Variants in NCOR2 observed in about 807,000 individuals in gnomAD.
NCOR2 encodes CTG repeat protein 26.
NCOR2 carries 81 observed loss-of-function variants against 262.9 expected under a neutral mutation model. The ratio of observed to expected loss-of-function variants is 0.31; its 90% confidence interval spans 0.26 to 0.37. The LOEUF (loss-of-function observed/expected upper bound fraction) is 0.37, where lower values mean the gene tolerates loss of function less well. Among genes scored for constraint, NCOR2 ranks in the 10% least tolerant of loss-of-function variants. NCOR2 has a pLI of 1.00. For missense variants in NCOR2, 3,385 were observed against 3,621.4 expected (o/e 0.93, Z 1.68); for synonymous variants, 1,659 against 1,559.3 (o/e 1.06, Z -1.51).
chr12:124,358,085 A>ATATG (rs1566391185), intron 22 of NCOR2, among the ~76,000 whole-genome samples: 1 of 129,384 alleles, frequency 7.7e-6, no homozygotes, highest in African/African-American at 3.1e-5. Flanking sequence ...GTAACCTGTG[A>ATATG]TGTGTGTGTG....
At chr12:124,344,996 G>A (rs1671354241) in intron 31 of NCOR2, 45 bp from the exon 34 acceptor site, 16 of 1,441,470 alleles carry the variant, frequency 1.1e-5, no homozygotes, top group Non-Finnish European at 1.5e-5. Context: ...CACAGCCATA[G>A]CCCAGACCAG....
At chr12:124,390,366 C>A (rs1188956608) in intron 16 of NCOR2, among the ~76,000 whole-genome samples, 1 of 152,220 alleles carries the variant, frequency 6.6e-6, no homozygotes, top group Non-Finnish European at 1.5e-5. Context: ...TTTGCACCAG[C>A]TGCTCCTGCT....
intron 6 of NCOR2, among the ~76,000 whole-genome samples, 161 bp downstream of exon 8, chr12:124,456,945 T>C (rs1565960077): frequency 8.4e-6 from 1 of 118,666 alleles, no homozygotes; most frequent in Non-Finnish European, 1.6e-5. Context: ...TCTGCCGTCC[T>C]CTCATCAGGA....
chr12:124,344,894 C>T lies in NCOR2; in HGVS notation c.4417G>A (p.Val1473Ile), dbSNP rs1458942885. The change falls in exon 32 of 47, where the codon GTA (valine) becomes ATA (isoleucine). Residue 1473 changes from valine to isoleucine, a missense_variant. By Grantham distance (29) the Val-to-Ile change is conservative. Coordinates refer to ENST00000405201, the Ensembl canonical transcript of NCOR2. ...CCGGGGCTGCCGATGAGGGAGCGTA[C>T]GTCGTGCTTTTTGGAGCCAGTGGTG... 23 of 1,581,006 alleles carry T rather than the reference C, an allele frequency of 1.5e-5. No individual in the cohort carries two copies. The highest frequency in any genetic ancestry group is 1.8e-5 in the Admixed American group (1 of 55,260).
chr12:124,340,373 C>A, exon 36 of NCOR2: 1 of 1,613,070 alleles, frequency 6.2e-7, no homozygotes, highest in Non-Finnish European at 8.5e-7. Context: ...CCCGGTCCCG[C>A]TCTCGATCCC....
intron 22 of NCOR2, 157 bp from the exon 25 acceptor site, chr12:124,356,939 C>T: frequency 1.1e-6 from 1 of 899,010 alleles, no homozygotes; most frequent in Admixed American, 4.3e-5. Flanking sequence ...AGTCTGCCTG[C>T]CTGGGCGCTG....
intron 27 of NCOR2, among the ~76,000 whole-genome samples, chr12:124,352,314 C>T (rs2037553721): frequency 6.6e-6 from 1 of 152,092 alleles, no homozygotes; most frequent in African/African-American, 2.4e-5. Context: ...AAATCAGTGG[C>T]TTACTGAACA....
chr12:124,360,658 G>A (rs552811911), intron 22 of NCOR2, among the ~76,000 whole-genome samples: 238 of 96,248 alleles, frequency 2.5e-3, no homozygotes, highest in African/African-American at 9.3e-3. Flanking sequence ...CTGTCCACCC[G>A]CCCACCCTTC....
Position 124,398,197 on chromosome 12 carries a change from C to G in NCOR2, c.1814-16G>C. ...TCCATGGAGGCTGAAAAGAAGATGC[C>G]AGGTTATTGGCAGGAGCCGGGAGAG... On this transcript the variant is annotated splice_polypyrimidine_tract_variant and intron_variant, in intron 15 of 46. Transcript: ENST00000405201. 6.2e-7 allele frequency: 1 copy of G among 1,614,134 alleles called. No homozygotes were observed. Among genetic ancestry groups the G allele is most frequent in the Non-Finnish European group, 8.5e-7 (1 of 1,179,968 alleles).
intron 1 of NCOR2, among the ~76,000 whole-genome samples, chr12:124,493,395 C>T (rs1288807962): frequency 2.0e-5 from 3 of 152,226 alleles, no homozygotes; most frequent in African/African-American, 7.2e-5. Context: ...ACGGACAGAG[C>T]GGGCTGGCCC....
At position 124,363,543 on chromosome 12, in the gene NCOR2, G is replaced by A. The variant is rs538581582; in HGVS notation, c.2928+136C>T. The A allele has an allele frequency of 9.2e-4, 835 of 905,458 alleles. 8 individuals are homozygous for A. The highest frequency in any genetic ancestry group is 8.9e-3 in the South Asian group (215 of 24,194). The allele number at this position is 905,458 out of a possible 1,614,324, so 56.1% of individuals were successfully genotyped here. A position where few individuals can be genotyped will look rare whatever the true frequency, so the allele number is the denominator to read the frequency against. On this transcript the variant is annotated intron_variant, in intron 21 of 46. Transcript: ENST00000405201. ...CCAGCTGTTCCCACCTCAGCTCCAC[G>A]GGGATTTCTCCAGGAAACAGAAGCG...
At chr12:124,400,735 G>A (rs2041946792) in intron 14 of NCOR2, 62 bp from the exon 17 acceptor site, 1 of 1,567,932 alleles carries the variant, frequency 6.4e-7, no homozygotes, top group African/African-American at 1.5e-5. Flanking sequence ...AACAGCCACT[G>A]GAGGAGACTG....
chr12:124,329,629 C>A (rs2035009940), intron 44 of NCOR2, among the ~76,000 whole-genome samples: 1 of 152,096 alleles, frequency 6.6e-6, no homozygotes, highest in South Asian at 2.1e-4. Context: ...GTAGTCCCAG[C>A]TGCTCAGGAG....
chr12:124,560,103 T>C (rs1469705858), intron 1 of NCOR2, among the ~76,000 whole-genome samples: 2 of 152,170 alleles, frequency 1.3e-5, no homozygotes, highest in East Asian at 3.9e-4. Context: ...ACCTTCAAAC[T>C]CACACCCCTC....
intron 1 of NCOR2, among the ~76,000 whole-genome samples, chr12:124,501,203 T>A (rs2048714465): frequency 6.6e-6 from 1 of 151,822 alleles, no homozygotes; most frequent in Non-Finnish European, 1.5e-5. Flanking sequence ...GCCTCCACTG[T>A]CCCAGCCTGG....
chr12:124,373,771 T>C (rs7307056), intron 19 of NCOR2, among the ~76,000 whole-genome samples: 1,895 of 6,224 alleles, frequency 0.3, 642 homozygotes, highest in Non-Finnish European at 0.56. Flanking sequence ...CCAGTGCGTG[T>C]GCAGGGGCCC....
chr12:124,372,262 C>G, exon 20 of NCOR2: 1 of 1,579,272 alleles, frequency 6.3e-7, no homozygotes, highest in Non-Finnish European at 8.6e-7. Flanking sequence ...CTCGGCCTTC[C>G]CTGTGTCCAC....
At position 124,457,622 on chromosome 12, in the gene NCOR2, G is replaced by T. The variant is rs1294565057; in HGVS notation, c.706-460C>A. Among the ~76,000 whole-genome samples the T allele has an allele frequency of 6.6e-6, 1 of 152,112 alleles. No homozygotes were observed. The highest frequency in any genetic ancestry group is 1.5e-5 in the Non-Finnish European group (1 of 68,020). ...GAGGAGGAGGAGGGAGGGTGAGATAGAGGCGCTCGGAGATACCCTTTCTAG... is the reference window on the plus strand; with the variant it reads ...GAGGAGGAGGAGGGAGGGTGAGATATAGGCGCTCGGAGATACCCTTTCTAG... On this transcript the variant is annotated intron_variant, in intron 5 of 46. Coordinates refer to ENST00000405201, the Ensembl canonical transcript of NCOR2. The surrounding 1 kb of genome is among the most constrained non-coding windows in gnomAD (Gnocchi z 4.0).
intron 1 of NCOR2, among the ~76,000 whole-genome samples, chr12:124,518,895 G>A (rs372370586): frequency 6.6e-6 from 1 of 152,194 alleles, no homozygotes; most frequent in African/African-American, 2.4e-5. Flanking sequence ...GCCTGGTTCC[G>A]AACCCAGGCC....
Sources: gnomAD v4.1 joint callset for allele counts (sites outside exome capture counted in the v4.1 genomes callset) on GRCh38, gnomAD v4.1.1 for gene constraint, Gnocchi (gnomAD v3.1) non-coding constraint, MANE v1.5 for transcripts, NCBI Gene and HGNC (gene_info 2026-07-23, HGNC 2026-07-21) for gene names.